Variants in ZNF365 observed in about 807,000 individuals in gnomAD.
ZNF365 encodes the protein zinc finger protein 365.
A neutral mutation model predicts 35.0 loss-of-function variants in ZNF365; 22 were observed. The observed-to-expected ratio is 0.63, with a 90% CI of 0.45 to 0.90. The LOEUF (loss-of-function observed/expected upper bound fraction) is 0.90. Ranked by LOEUF, ZNF365 falls within the 40% of genes least tolerant of loss-of-function variation. The probability of loss-of-function intolerance (pLI) is 0.00; values close to 1 mark genes in which losing one functional copy is unlikely to be tolerated. For missense variants in ZNF365, 448 were observed against 500.3 expected (o/e 0.90, Z 1.00); for synonymous variants, 188 against 196.2 (o/e 0.96, Z 0.35).
At chr10:62,480,228 A>G (rs1001579717) in exon 5 of ZNF365, 6 of 1,048,100 alleles carry the variant, frequency 5.7e-6, no homozygotes, top group Middle Eastern at 4.4e-4. Flanking sequence ...GTCATATTCT[A>G]TTTAGCTTGG....
rs1839811592 is a variant in ZNF365, at chr10:62,400,607, G to A, written c.*818G>A. 4.9e-5 allele frequency: 48 copies of A among 985,850 alleles called. 1 individual carries two copies. The highest frequency in any genetic ancestry group is 5.8e-5 in the Non-Finnish European group (48 of 829,978). 61.1% of individuals were successfully genotyped at this position (985,850 alleles called of 1,614,324 possible). ...GCACCCAGCATGGGCTGGGTGGCTA[G>A]GTGGTTGGAATGACAGTGGACTGCA... is the stretch of plus-strand genomic sequence containing the variant. On this transcript the variant is annotated 3_prime_UTR_variant, in exon 5 of 5. Transcript: ENST00000395254.
intron 3 of ZNF365, among the ~76,000 whole-genome samples, chr10:62,459,514 A>G (rs1430952531): frequency 6.6e-6 from 1 of 152,250 alleles, no homozygotes; most frequent in Non-Finnish European, 1.5e-5. Context: ...GTGGTGTATG[A>G]TTTTTAATAT....
chr10:62,380,830 G>A (rs1839426146), intron 2 of ZNF365, among the ~76,000 whole-genome samples: 1 of 152,214 alleles, frequency 6.6e-6, no homozygotes, highest in Non-Finnish European at 1.5e-5. Flanking sequence ...AGAAAGGATG[G>A]ACTTAGTAGC....
At chr10:62,478,365 T>C (rs1442698836) in intron 4 of ZNF365, among the ~76,000 whole-genome samples, 1 of 152,232 alleles carries the variant, frequency 6.6e-6, no homozygotes, top group Non-Finnish European at 1.5e-5. Context: ...GATTAGGACA[T>C]GGTTCTATTC....
intron 3 of ZNF365, among the ~76,000 whole-genome samples, chr10:62,394,836 TAATGAGA>T (rs1440074698): frequency 6.6e-6 from 1 of 152,058 alleles, no homozygotes; most frequent in African/African-American, 2.4e-5. Context: ...CTAGAGGTGG[TAATGAGA>T]AAAAGAGGGA....
chr10:62,437,071 T>G lies in ZNF365; in HGVS notation c.925-22670T>G, dbSNP rs532015503. On this transcript the variant is annotated intron_variant, in intron 3 of 4. Coordinates refer to the ZNF365 transcript ENST00000395255. ...TTTAAATGTATGTATGAGAAATGTA[T>G]TCTCTGTTTCCAGTGATTTCAGAAT... Among the ~76,000 whole-genome samples, 3 of 152,344 alleles carry G rather than the reference T, an allele frequency of 2.0e-5. No homozygotes were observed. The East Asian group carries it at 5.8e-4, about 29-fold the overall frequency.
chr10:62,437,301 T>C (rs566195125), intron 3 of ZNF365, among the ~76,000 whole-genome samples: 52 of 152,312 alleles, frequency 3.4e-4, no homozygotes, highest in African/African-American at 1.1e-3. Context: ...TTTTTGTCTT[T>C]AAAAAATGTA....
intron 3 of ZNF365, among the ~76,000 whole-genome samples, chr10:62,458,272 T>C (rs1840792417): frequency 6.6e-6 from 1 of 152,194 alleles, no homozygotes; most frequent in African/African-American, 2.4e-5. Flanking sequence ...ATATCTGGGG[T>C]GCTGCTTTCT....
intron 3 of ZNF365, among the ~76,000 whole-genome samples, chr10:62,423,850 C>T (rs1014473690): frequency 2.6e-5 from 4 of 152,082 alleles, no homozygotes; most frequent in African/African-American, 4.8e-5. Flanking sequence ...ATATTTGGCA[C>T]TATGATTACA....
rs752302337 is a variant in ZNF365, at chr10:62,398,782, G to A, written c.962+5G>A. ...AAATAGGAAGCCCAAATGCCTGTAT[G>A]TATGTATTTTTATACTTGGGCCATT... On this transcript the variant is annotated splice_donor_5th_base_variant and intron_variant, in intron 4 of 4. Coordinates refer to ENST00000395254, the MANE Select transcript of ZNF365 (RefSeq NM_014951.3). 6.2e-7 allele frequency: 1 copy of A among 1,610,756 alleles called. No individual in the cohort carries two copies. Among genetic ancestry groups the A allele is most frequent in the Non-Finnish European group, 8.5e-7 (1 of 1,178,636 alleles).
At chr10:62,418,417 T>C (rs1840113769) in intron 3 of ZNF365, among the ~76,000 whole-genome samples, 1 of 151,994 alleles carries the variant, frequency 6.6e-6, no homozygotes, top group African/African-American at 2.4e-5. Flanking sequence ...ATGGAGTTTC[T>C]GGAGCTAGGT....
intron 3 of ZNF365, among the ~76,000 whole-genome samples, chr10:62,450,559 C>G (rs1311555019): frequency 1.3e-5 from 2 of 152,160 alleles, no homozygotes; most frequent in Non-Finnish European, 1.5e-5. Flanking sequence ...TAGAACAGGG[C>G]CAGAAACTCC....
chr10:62,404,378 A>G (rs1374759437), downstream of ZNF365, among the ~76,000 whole-genome samples: 1 of 152,226 alleles, frequency 6.6e-6, no homozygotes, highest in African/African-American at 2.4e-5. Context: ...TGTGAGAGAA[A>G]GTTCTGAGGA....
chr10:62,398,942 A>G (rs188138972), intron 4 of ZNF365, among the ~76,000 whole-genome samples, 165 bp downstream of exon 4: 78 of 152,312 alleles, frequency 5.1e-4, no homozygotes, highest in African/African-American at 1.8e-3. Flanking sequence ...AACTTTGTGA[A>G]AAGTTGATGT....
At chr10:62,412,965 C>T (rs1840009576) in intron 3 of ZNF365, among the ~76,000 whole-genome samples, 1 of 152,120 alleles carries the variant, frequency 6.6e-6, no homozygotes, top group South Asian at 2.1e-4. Flanking sequence ...CCAGGGATAG[C>T]ATGGACTTTG....
chr10:62,389,961 T>A (rs1839599275), intron 3 of ZNF365, among the ~76,000 whole-genome samples: 1 of 152,094 alleles, frequency 6.6e-6, no homozygotes, highest in Non-Finnish European at 1.5e-5. Context: ...CTCCATCTCC[T>A]CCTTGGGAAA....
chr10:62,455,862 T>A (rs894905155), intron 3 of ZNF365, among the ~76,000 whole-genome samples: 1 of 152,212 alleles, frequency 6.6e-6, no homozygotes, highest in Non-Finnish European at 1.5e-5. Flanking sequence ...GTTCAGTAAC[T>A]TGTAAGTATC....
intron 2 of ZNF365, among the ~76,000 whole-genome samples, chr10:62,377,164 A>G (rs1839351828): frequency 6.6e-6 from 1 of 152,200 alleles, no homozygotes; most frequent in Non-Finnish European, 1.5e-5. Context: ...TTCCTTCTCA[A>G]CTGGGAATTT....
In ZNF365 at chr10:62,410,555, C is replaced by A. The variant is rs1309062302; in HGVS notation, c.924+21979C>A. On this transcript the variant is annotated intron_variant, in intron 3 of 4. Coordinates refer to the ZNF365 transcript ENST00000395255. ...CCATAGGCACCTGTGTGTGTAGTTCCCCACCCTATGTCTATGTGTTCATAT... is the reference window on the plus strand; with the variant it reads ...CCATAGGCACCTGTGTGTGTAGTTCACCACCCTATGTCTATGTGTTCATAT... 2.0e-5 allele frequency among the ~76,000 whole-genome samples: 3 copies of A among 152,148 alleles called. No individual in the cohort carries two copies. The South Asian group carries it at 6.2e-4, about 32-fold the overall frequency.
Sources: allele counts gnomAD v4.1 joint callset (sites outside exome capture counted in the v4.1 genomes callset), GRCh38; gene constraint gnomAD v4.1.1; transcripts MANE v1.5; gene names NCBI Gene and HGNC (gene_info 2026-07-23, HGNC 2026-07-21).